MDGA2: variants seen among roughly 807,000 people sequenced by gnomAD.
The protein encoded by MDGA2 is MAM domain-containing glycosylphosphatidylinositol anchor protein 2.
In MDGA2, 40 loss-of-function variants were observed where a neutral mutation model predicts 117.8. The observed-to-expected ratio is 0.34, with a 90% CI of 0.26 to 0.44. The LOEUF (loss-of-function observed/expected upper bound fraction) is 0.44, where lower values mean the gene tolerates loss of function less well. Among genes scored for constraint, MDGA2 ranks in the 20% least tolerant of loss-of-function variants. The pLI, the probability that MDGA2 is intolerant of heterozygous loss-of-function variation, is 1.00. For synonymous variants in MDGA2, 452 were observed against 439.0 expected (o/e 1.03, Z -0.37); for missense variants, 1,123 against 1,250.6 (o/e 0.90, Z 1.54).
chr14:46,930,397 T>A (rs926184468), intron 9 of MDGA2, among the ~76,000 whole-genome samples: 14 of 152,128 alleles, frequency 9.2e-5, no homozygotes, highest in African/African-American at 3.4e-4. Context: ...CTATGCATTA[T>A]TCTTTCATAT....
intron 8 of MDGA2, among the ~76,000 whole-genome samples, chr14:46,981,771 G>A (rs1480877738): frequency 6.6e-6 from 1 of 152,176 alleles, no homozygotes; most frequent in Non-Finnish European, 1.5e-5. Context: ...TTGTGAGAAG[G>A]TAGCATTCAC....
At chr14:47,360,707 C>T (rs1355681605) in intron 1 of MDGA2, among the ~76,000 whole-genome samples, 5 of 152,082 alleles carry the variant, frequency 3.3e-5, no homozygotes, top group Non-Finnish European at 5.9e-5. Context: ...TTTGACCCAG[C>T]AATCCCTCTG....
chr14:47,611,268 T>C (rs559377034), intron 1 of MDGA2, among the ~76,000 whole-genome samples: 2 of 152,200 alleles, frequency 1.3e-5, no homozygotes, highest in Admixed American at 6.5e-5. Context: ...GAAAATTACA[T>C]TGGAAAAACC....
At chr14:47,557,995 C>T (rs1346577478) in intron 1 of MDGA2, among the ~76,000 whole-genome samples, 1 of 152,100 alleles carries the variant, frequency 6.6e-6, no homozygotes. Context: ...GTTGAGATAT[C>T]AGTGTGAATA....
In MDGA2 at chr14:47,058,874, C is replaced by T. The variant is rs546500738; in HGVS notation, c.1525+2375G>A. On this transcript the variant is annotated intron_variant, in intron 7 of 16. Transcript: ENST00000399232. ...AGAGCCTGCCATCCGTGTAGCCACA[C>T]TTAGAACAGCCCCAAATTTGCTTTA... 13 of 986,322 alleles carry T rather than the reference C, an allele frequency of 1.3e-5. No homozygotes were observed. In the Middle Eastern group the frequency reaches 2.1e-3, roughly 158 times the overall value. 61.1% of individuals were successfully genotyped at this position (986,322 alleles called of 1,614,324 possible). A position where few individuals can be genotyped will look rare whatever the true frequency, so the allele number is the denominator to read the frequency against.
intron 5 of MDGA2, among the ~76,000 whole-genome samples, chr14:47,103,152 T>C (rs927812007): frequency 6.6e-5 from 10 of 152,174 alleles, no homozygotes; most frequent in Admixed American, 2.0e-4. Context: ...ATTTAAACCA[T>C]AGAACACATA....
intron 10 of MDGA2, among the ~76,000 whole-genome samples, chr14:46,909,302 A>C (rs1883609951): frequency 6.6e-6 from 1 of 152,208 alleles, no homozygotes; most frequent in African/African-American, 2.4e-5. Flanking sequence ...ATTGCTGTTC[A>C]GAAAGGCAGA....
chr14:46,882,353 C>A, intron 10 of MDGA2, 132 bp from the exon 11 acceptor site: 1 of 704,900 alleles, frequency 1.4e-6, no homozygotes. Context: ...TATTAAAGTT[C>A]AAGTTTCTAT....
chr14:46,913,080 CAG>C (rs749535231), intron 10 of MDGA2, among the ~76,000 whole-genome samples: 6 of 152,076 alleles, frequency 3.9e-5, no homozygotes, highest in Non-Finnish European at 7.4e-5. Flanking sequence ...AAGTGAATGA[CAG>C]AGAAATAAGG....
intron 14 of MDGA2, among the ~76,000 whole-genome samples, chr14:46,872,439 A>G (rs1233223294): frequency 6.6e-6 from 1 of 151,784 alleles, no homozygotes; most frequent in South Asian, 2.1e-4. Context: ...TGATGCAGTG[A>G]CTCATTCCTC....
chr14:47,271,903 A>C (rs1332267898), intron 2 of MDGA2, among the ~76,000 whole-genome samples: 1 of 152,134 alleles, frequency 6.6e-6, no homozygotes, highest in Non-Finnish European at 1.5e-5. Context: ...GACAAGTCAC[A>C]GTATGCTGAA....
At chr14:47,271,848 T>C (rs915237487) in intron 2 of MDGA2, among the ~76,000 whole-genome samples, 1 of 152,186 alleles carries the variant, frequency 6.6e-6, no homozygotes, top group African/African-American at 2.4e-5. Context: ...TCAATTGTGG[T>C]GACCAAATTC....
Position 47,061,333 on chromosome 14 carries a change from A to T in MDGA2, c.1441T>A (p.Phe481Ile). Reference sequence around the variant, plus strand: ...GATGCTACACATGTGTACGTCCCAAAATCCGTGAATTTTAAATCAATGATG... The same window carrying T: ...GATGCTACACATGTGTACGTCCCAATATCCGTGAATTTTAAATCAATGATG... Reference protein sequence around the residue: ...LDIIDLKFTDFGTYTCVASLK... With the variant: ...LDIIDLKFTDIGTYTCVASLK... The change falls in exon 7 of 17, where the codon TTT becomes ATT. Residue 481 changes from phenylalanine to isoleucine, a missense_variant. Around this residue, in one of 2 missense-constraint regions of MDGA2, gnomAD observed 890 missense variants for 1,050.3 expected, o/e 0.85. Coordinates refer to ENST00000399232, the MANE Select transcript of MDGA2 (RefSeq NM_001113498.3). The T allele has an allele frequency of 6.2e-7, 1 of 1,613,612 alleles. No homozygotes were observed. The highest frequency in any genetic ancestry group is 8.5e-7 in the Non-Finnish European group (1 of 1,179,654).
chr14:46,914,233 T>C (rs1883817639), intron 10 of MDGA2, among the ~76,000 whole-genome samples: 1 of 152,142 alleles, frequency 6.6e-6, no homozygotes, highest in Non-Finnish European at 1.5e-5. Flanking sequence ...AATCTTTTTC[T>C]CTTTCCTGTT....
chr14:46,949,569 C>A (rs1885295457), intron 9 of MDGA2, among the ~76,000 whole-genome samples: 1 of 151,624 alleles, frequency 6.6e-6, no homozygotes, highest in South Asian at 2.1e-4. Flanking sequence ...CCATGTGTAT[C>A]CATTGTTTAG....
intron 8 of MDGA2, among the ~76,000 whole-genome samples, chr14:47,002,136 T>TA (rs1257351854): frequency 2.6e-5 from 4 of 152,018 alleles, no homozygotes; most frequent in East Asian, 1.9e-4. Context: ...ACACTAAATT[T>TA]AAAAAATAAT....
Position 47,144,709 on chromosome 14 carries a change from C to G in MDGA2, c.596-435G>C, listed in dbSNP as rs567941027. On this transcript the variant is annotated intron_variant, in intron 3 of 16. Transcript: ENST00000399232. The stretch of plus-strand genomic sequence containing the variant: ...TGTCAACCAGGCTGAAGTCCAGTGG[C>G]GCAATCAGAGCTTACTGCAGCCTCA... Among the ~76,000 whole-genome samples, 11 of 152,030 alleles carry G rather than the reference C, an allele frequency of 7.2e-5. No homozygotes were observed. The South Asian group carries it at 2.1e-3, about 29-fold the overall frequency.
chr14:47,474,611 C>T (rs1445568331), intron 1 of MDGA2, among the ~76,000 whole-genome samples: 2 of 152,150 alleles, frequency 1.3e-5, no homozygotes, highest in African/African-American at 4.8e-5. Context: ...GTAACCAAAA[C>T]GTCACGGTAC....
chr14:46,902,752 T>C (rs953020480), intron 10 of MDGA2, among the ~76,000 whole-genome samples: 2 of 152,220 alleles, frequency 1.3e-5, no homozygotes, highest in South Asian at 2.1e-4. Context: ...CTGCTGTATG[T>C]TCAAGGTAAT....
Sources: gnomAD v4.1 joint callset for allele counts (sites outside exome capture counted in the v4.1 genomes callset) on GRCh38, gnomAD v4.1.1 for gene constraint, gnomAD v4.1.1 regional missense constraint, MANE v1.5 for transcripts, NCBI Gene and HGNC (gene_info 2026-07-23, HGNC 2026-07-21) for gene names.